The following RFC3 variants were observed in gnomAD, a reference collection of about 807,000 sequenced individuals.
RFC3 encodes the protein A1 38 kDa subunit.
In RFC3, 41 loss-of-function variants were observed where a neutral mutation model predicts 45.1. The ratio of observed to expected loss-of-function variants is 0.91; its 90% CI spans 0.71 to 1.18. The LOEUF is 1.18. Among genes scored for constraint, RFC3 ranks in the 50% most tolerant of loss-of-function variants. The pLI is 0.00. For synonymous variants in RFC3, 149 were observed against 144.0 expected (o/e 1.03, Z -0.25); for missense variants, 423 against 428.1 (o/e 0.99, Z 0.10).
At chr13:33,974,300 G>A in the RFC3 span, among the ~76,000 whole-genome samples, 1 of 152,046 alleles carries the variant, frequency 6.6e-6, no homozygotes, top group Non-Finnish European at 1.5e-5. Context: ...TAGTAATAAG[G>A]AACATTGTTT....
chr13:33,887,369 G>T (rs371522985), intron 8 of RFC3, among the ~76,000 whole-genome samples: 1 of 150,128 alleles, frequency 6.7e-6, no homozygotes, highest in Non-Finnish European at 1.5e-5. Context: ...TTTGATTTGC[G>T]TTTCTCTGAT....
the RFC3 span, among the ~76,000 whole-genome samples, chr13:33,976,828 G>C: frequency 6.6e-6 from 1 of 152,106 alleles, no homozygotes; most frequent in East Asian, 1.9e-4. Flanking sequence ...CTTTTTAAGT[G>C]TGGGCTGTGC....
chr13:33,903,370 G>C (rs748688637), intron 8 of RFC3, among the ~76,000 whole-genome samples: 2 of 152,056 alleles, frequency 1.3e-5, no homozygotes, highest in Admixed American at 6.5e-5. Context: ...AGAAACAGTA[G>C]GTGTAAAAAA....
intron 8 of RFC3, among the ~76,000 whole-genome samples, chr13:33,908,885 C>G (rs2082688003): frequency 6.6e-6 from 1 of 152,038 alleles, no homozygotes; most frequent in Non-Finnish European, 1.5e-5. Flanking sequence ...TGATGTCCAA[C>G]CTCAGGCACT....
rs1302839326 is a variant in RFC3 at position 33,834,298 on chromosome 13, G to GTGTGTATA, written c.810-849_810-848insGTGTATAT. Among the ~76,000 whole-genome samples the GTGTGTATA allele has an allele frequency of 2.7e-4, 29 of 109,194 alleles. 1 individual carries two copies. The highest frequency in any genetic ancestry group is 8.9e-4 in the East Asian group (3 of 3,386). The allele number at this position is 109,194 out of a possible 152,430, so 71.6% of individuals were successfully genotyped here. On this transcript the variant is annotated intron_variant, in intron 7 of 8. Transcript: ENST00000380071. ...GAAGTATGGAACATCTGTACTGTGTGTATATATATATATATATATATATAT... is the reference window on the plus strand; with the variant it reads ...GAAGTATGGAACATCTGTACTGTGTGTGTGTATATATATATATATATATATATATATAT...
chr13:33,968,832 A>G (rs1462941539), downstream of RFC3, among the ~76,000 whole-genome samples: 1 of 152,200 alleles, frequency 6.6e-6, no homozygotes, highest in Admixed American at 6.5e-5. Flanking sequence ...AGTTCTGGTT[A>G]TTAAAGAGAA....
intron 8 of RFC3, among the ~76,000 whole-genome samples, chr13:33,940,586 T>C (rs1439073195): frequency 6.6e-6 from 1 of 151,800 alleles, no homozygotes; most frequent in African/African-American, 2.4e-5. Flanking sequence ...TATCTTACTA[T>C]AATGTTTCTG....
the RFC3 span, among the ~76,000 whole-genome samples, chr13:33,974,286 G>T: frequency 6.6e-6 from 1 of 152,164 alleles, no homozygotes; most frequent in East Asian, 1.9e-4. Flanking sequence ...AAGGCAAACT[G>T]TTGTAGTAAT....
intron 8 of RFC3, among the ~76,000 whole-genome samples, chr13:33,877,587 G>GT (rs1033118437): frequency 6.6e-6 from 1 of 151,530 alleles, no homozygotes; most frequent in Non-Finnish European, 1.5e-5. Context: ...TTTGTCTGAT[G>GT]TTTTTTTATT....
chr13:33,840,887 T>C (rs2082193429), downstream of RFC3, among the ~76,000 whole-genome samples: 1 of 152,178 alleles, frequency 6.6e-6, no homozygotes, highest in Non-Finnish European at 1.5e-5. Flanking sequence ...AGTTAAAATT[T>C]ATCAAAACTT....
chr13:33,959,463 C>G (rs1314110827), intron 8 of RFC3, among the ~76,000 whole-genome samples: 1 of 152,098 alleles, frequency 6.6e-6, no homozygotes, highest in African/African-American at 2.4e-5. Flanking sequence ...CTCTTGATTC[C>G]CTTGCCATAG....
At chr13:33,831,984 C>T (rs1032109185) in intron 7 of RFC3, among the ~76,000 whole-genome samples, 5 of 152,122 alleles carry the variant, frequency 3.3e-5, no homozygotes, top group East Asian at 3.8e-4. Context: ...GTGTATATAC[C>T]ATTTTTACTC....
intron 8 of RFC3, among the ~76,000 whole-genome samples, chr13:33,896,602 C>T (rs2082600406): frequency 6.9e-6 from 1 of 145,756 alleles, no homozygotes; most frequent in Non-Finnish European, 1.5e-5. Flanking sequence ...TCCCCAGTTA[C>T]TTGGGAGGCT....
chr13:33,887,793 A>G (rs960770321), intron 8 of RFC3, among the ~76,000 whole-genome samples: 1 of 151,820 alleles, frequency 6.6e-6, no homozygotes, highest in African/African-American at 2.4e-5. Context: ...TCCATCTTGA[A>G]TTAATTTTTG....
Position 33,836,403 on chromosome 13 carries a change from G to GT in RFC3, c.*115dup, listed in dbSNP as rs878903532. ...CTGAACTTAATCATGTCGTATTTGC[G>GT]TTTTTTTGGTAATAACTTCTCTGTG... On this transcript the variant is annotated 3_prime_UTR_variant, in exon 9 of 9. Transcript: ENST00000380071. 7 of 1,493,424 alleles carry GT rather than the reference G, an allele frequency of 4.7e-6. No homozygotes were observed. Among genetic ancestry groups the GT allele is most frequent in the East Asian group, 4.6e-5 (2 of 43,554 alleles). The allele number at this position is 1,493,424 out of a possible 1,614,324, so 92.5% of individuals were successfully genotyped here.
At chr13:33,830,562 T>G (rs1033532009) in intron 5 of RFC3, among the ~76,000 whole-genome samples, 157 bp from the exon 6 acceptor site, 4 of 152,162 alleles carry the variant, frequency 2.6e-5, no homozygotes, top group African/African-American at 9.7e-5. Flanking sequence ...TATGCAACAT[T>G]GTGTTAGATG....
At chr13:33,857,636 G>A (rs990591343) in intron 8 of RFC3, among the ~76,000 whole-genome samples, 2 of 152,066 alleles carry the variant, frequency 1.3e-5, no homozygotes, top group Non-Finnish European at 2.9e-5. Flanking sequence ...TTGTTTGAAC[G>A]TTTGATATAA....
chr13:33,839,761 T>A (rs570034075), downstream of RFC3, among the ~76,000 whole-genome samples: 1 of 152,348 alleles, frequency 6.6e-6, no homozygotes, highest in South Asian at 2.1e-4. Context: ...CCGAAAAAGT[T>A]TATCATTTCT....
intron 8 of RFC3, among the ~76,000 whole-genome samples, chr13:33,930,609 A>G (rs2082845631): frequency 2.0e-5 from 3 of 152,082 alleles, no homozygotes; most frequent in Non-Finnish European, 4.4e-5. Flanking sequence ...TCGCGGACAC[A>G]CCCAGGAATA....
Sources: gnomAD v4.1 joint callset for allele counts (sites outside exome capture counted in the v4.1 genomes callset) on GRCh38, gnomAD v4.1.1 for gene constraint, MANE v1.5 for transcripts, NCBI Gene and HGNC (gene_info 2026-07-23, HGNC 2026-07-21) for gene names.